LARP4B: variants seen among roughly 807,000 people sequenced by gnomAD.
LARP4B encodes La ribonucleoprotein 4B, also known as la-related protein 4B.
In LARP4B, 12 loss-of-function variants were observed where a neutral mutation model predicts 89.8. That is an observed-to-expected ratio of 0.13 (90% CI 0.09 to 0.22). The LOEUF (loss-of-function observed/expected upper bound fraction) is 0.22. Ranked by LOEUF, LARP4B falls within the 10% of genes least tolerant of loss-of-function variation. LARP4B has a pLI of 1.00. For missense variants in LARP4B, 757 were observed against 947.7 expected (o/e 0.80, Z 2.64); for synonymous variants, 367 against 363.3 (o/e 1.01, Z -0.12).
chr10:935,253 T>C (rs1294716114), upstream of LARP4B, among the ~76,000 whole-genome samples: 1 of 152,194 alleles, frequency 6.6e-6, no homozygotes, highest in Non-Finnish European at 1.5e-5. Context: ...GACAGTCCTA[T>C]ACAAAGAAAT....
At chr10:959,098 G>A in the LARP4B span, among the ~76,000 whole-genome samples, 2 of 152,140 alleles carry the variant, frequency 1.3e-5, no homozygotes, top group Non-Finnish European at 2.9e-5. Context: ...CAGGGCAGGT[G>A]GACTAGGTGT....
chr10:914,132 G>A (rs1412678133), intron 1 of LARP4B, among the ~76,000 whole-genome samples: 2 of 152,066 alleles, frequency 1.3e-5, no homozygotes, highest in Non-Finnish European at 2.9e-5. Context: ...AACAAAAATT[G>A]AGGAAATATT....
At chr10:988,214 G>A in the LARP4B span, 4 of 455,908 alleles carry the variant, frequency 8.8e-6, no homozygotes, top group Non-Finnish European at 1.6e-5. Flanking sequence ...TACTCAGCAG[G>A]AATTTAGTCT....
chr10:856,731 A>G (rs562092464), intron 5 of LARP4B, among the ~76,000 whole-genome samples: 1 of 152,304 alleles, frequency 6.6e-6, no homozygotes, highest in East Asian at 1.9e-4. Flanking sequence ...CTAGAGAAAA[A>G]TCCCTTTGTG....
the LARP4B span, among the ~76,000 whole-genome samples, chr10:964,122 A>G: frequency 1.3e-5 from 2 of 152,220 alleles, no homozygotes; most frequent in Non-Finnish European, 2.9e-5. Context: ...GCTAGAGTGC[A>G]GTGGCGTGAT....
the LARP4B span, among the ~76,000 whole-genome samples, chr10:950,390 G>A: frequency 6.6e-6 from 1 of 152,094 alleles, no homozygotes; most frequent in Non-Finnish European, 1.5e-5. Context: ...TGATAGTTTT[G>A]CATTTTACAT....
upstream of LARP4B, among the ~76,000 whole-genome samples, chr10:936,746 G>A (rs1830752696): frequency 6.6e-6 from 1 of 151,996 alleles, no homozygotes; most frequent in South Asian, 2.1e-4. Flanking sequence ...CAAAAAACCA[G>A]ATTTACTATG....
At chr10:948,555 C>A in the LARP4B span, among the ~76,000 whole-genome samples, 2 of 152,246 alleles carry the variant, frequency 1.3e-5, no homozygotes, top group Non-Finnish European at 2.9e-5. Context: ...CCTCAGTGGT[C>A]GCGTCTTGCA....
intron 1 of LARP4B, among the ~76,000 whole-genome samples, chr10:892,831 G>A (rs1262201178): frequency 6.8e-6 from 1 of 146,820 alleles, no homozygotes; most frequent in African/African-American, 2.5e-5. Context: ...GAGCCACCGC[G>A]CCCGGCAAAA....
chr10:860,388 T>C (rs1049002783), intron 5 of LARP4B, among the ~76,000 whole-genome samples: 3 of 152,120 alleles, frequency 2.0e-5, no homozygotes, highest in Non-Finnish European at 4.4e-5. Flanking sequence ...TAGAAAATGG[T>C]ACCACCACTT....
chr10:920,915 C>T (rs1300662098), intron 1 of LARP4B, among the ~76,000 whole-genome samples: 2 of 152,146 alleles, frequency 1.3e-5, no homozygotes, highest in Non-Finnish European at 2.9e-5. Context: ...TATTATTAAA[C>T]ATTTCGTAAA....
At chr10:914,290 AT>A (rs1836756327) in intron 1 of LARP4B, among the ~76,000 whole-genome samples, 2 of 152,168 alleles carry the variant, frequency 1.3e-5, no homozygotes, top group African/African-American at 4.8e-5. Context: ...TACAGAGCAT[AT>A]TTTAAAAGAT....
Position 870,035 on chromosome 10 carries a change from C to T in LARP4B, c.142-5765G>A. 5.1e-6 allele frequency: 5 copies of T among 985,478 alleles called. No individual in the cohort carries two copies. The South Asian group carries it at 1.4e-4, about 28-fold the overall frequency. The allele number at this position is 985,478 out of a possible 1,614,324, so 61.0% of individuals were successfully genotyped here. On this transcript the variant is annotated intron_variant, in intron 3 of 17. Transcript: ENST00000316157. ...TACGAACTGTCCGTCTCTATCATGC[C>T]ATCCCCAAACAACACCGTCCTCTGA...
At chr10:975,163 G>C in the LARP4B span, among the ~76,000 whole-genome samples, 8 of 152,240 alleles carry the variant, frequency 5.3e-5, no homozygotes, top group African/African-American at 1.9e-4. Flanking sequence ...TTACTTTCAT[G>C]ATTTTATAGG....
the LARP4B span, among the ~76,000 whole-genome samples, chr10:963,254 A>C: frequency 3.3e-5 from 5 of 152,134 alleles, no homozygotes; most frequent in Non-Finnish European, 5.9e-5. Flanking sequence ...AAGTTCATGA[A>C]GCTTGAGTTC....
intron 3 of LARP4B, chr10:869,892 G>A (rs1835106115): frequency 4.2e-6 from 1 of 240,390 alleles, no homozygotes; most frequent in African/African-American, 2.6e-5. Context: ...GTGAGACTCT[G>A]TCTCAAAAAA....
At chr10:903,833 C>T (rs1836410102) in intron 1 of LARP4B, among the ~76,000 whole-genome samples, 1 of 152,154 alleles carries the variant, frequency 6.6e-6, no homozygotes, top group Non-Finnish European at 1.5e-5. Flanking sequence ...TGAGTAAACT[C>T]ATTTTTTAGA....
At chr10:963,417 G>A in the LARP4B span, among the ~76,000 whole-genome samples, 1 of 152,204 alleles carries the variant, frequency 6.6e-6, no homozygotes, top group Non-Finnish European at 1.5e-5. Flanking sequence ...ATGGCTTGGG[G>A]AGCTGGGGCC....
chr10:818,673 G>A (rs1237086132), intron 14 of LARP4B: 1 of 152,178 alleles, frequency 6.6e-6, no homozygotes, highest in African/African-American at 2.4e-5. Context: ...GCAGTTCCTC[G>A]GCTGAAGGAC....
Sources: allele counts gnomAD v4.1 joint callset (sites outside exome capture counted in the v4.1 genomes callset), GRCh38; gene constraint gnomAD v4.1.1; transcripts MANE v1.5; gene names NCBI Gene and HGNC (gene_info 2026-07-23, HGNC 2026-07-21).